Variants in CHRM3 observed in about 807,000 individuals in gnomAD.
CHRM3 encodes muscarinic acetylcholine receptor M3.
A neutral mutation model predicts 41.8 loss-of-function variants in CHRM3; 11 were observed. That is an observed-to-expected ratio of 0.26 (90% CI 0.17 to 0.44). The LOEUF is 0.44. Among genes scored for constraint, CHRM3 ranks in the 20% least tolerant of loss-of-function variants. The pLI is 1.00. For synonymous variants in CHRM3, 297 were observed against 301.4 expected (o/e 0.99, Z 0.15); for missense variants, 571 against 745.4 (o/e 0.77, Z 2.72).
At chr1:239,604,668 C>G (rs968061809) in intron 3 of CHRM3, among the ~76,000 whole-genome samples, 11 of 152,144 alleles carry the variant, frequency 7.2e-5, no homozygotes, top group Non-Finnish European at 1.0e-4. Flanking sequence ...GCAAATAATC[C>G]AAGAGAAATA....
chr1:239,647,617 C>T (rs534507513), intron 4 of CHRM3, among the ~76,000 whole-genome samples: 4 of 152,214 alleles, frequency 2.6e-5, no homozygotes, highest in East Asian at 1.9e-4. Context: ...TCTGTGCCTC[C>T]GCTTAGACAT....
intron 1 of CHRM3, among the ~76,000 whole-genome samples, chr1:239,437,471 A>G (rs1022957993): frequency 3.9e-5 from 6 of 152,168 alleles, no homozygotes; most frequent in Non-Finnish European, 2.9e-5. Flanking sequence ...CTGGGACACA[A>G]TCTGCTCCCC....
chr1:239,766,631 CATAA>C (rs1310120563), intron 5 of CHRM3, among the ~76,000 whole-genome samples: 44 of 151,092 alleles, frequency 2.9e-4, no homozygotes, highest in African/African-American at 1.1e-3. Flanking sequence ...TATAGATAGA[CATAA>C]ATATAGATAG....
At chr1:239,636,364 A>G (rs951901239) in intron 4 of CHRM3, among the ~76,000 whole-genome samples, 1 of 152,236 alleles carries the variant, frequency 6.6e-6, no homozygotes, top group African/African-American at 2.4e-5. Flanking sequence ...TCACTGTGCC[A>G]GGCATTTCCC....
intron 5 of CHRM3, among the ~76,000 whole-genome samples, chr1:239,792,006 GAGA>G (rs1314648869): frequency 6.6e-6 from 1 of 152,212 alleles, no homozygotes; most frequent in Non-Finnish European, 1.5e-5. Flanking sequence ...AGAGTTCATT[GAGA>G]AGGAGACGCA....
intron 5 of CHRM3, among the ~76,000 whole-genome samples, chr1:239,721,108 A>C (rs927941943): frequency 2.0e-5 from 3 of 151,922 alleles, no homozygotes; most frequent in Non-Finnish European, 4.4e-5. Flanking sequence ...GAAATGTGTC[A>C]AAAAGCCCAA....
At chr1:239,892,768 T>A (rs895486514) in intron 6 of CHRM3, among the ~76,000 whole-genome samples, 1 of 152,186 alleles carries the variant, frequency 6.6e-6, no homozygotes, top group African/African-American at 2.4e-5. Flanking sequence ...AAACACAGTG[T>A]CTCATGCACC....
chr1:239,455,028 A>G (rs1370037101), intron 1 of CHRM3, among the ~76,000 whole-genome samples: 3 of 152,124 alleles, frequency 2.0e-5, no homozygotes, highest in East Asian at 1.9e-4. Flanking sequence ...ACTATACTAT[A>G]TGTTTTTAAT....
intron 1 of CHRM3, among the ~76,000 whole-genome samples, chr1:239,398,695 A>T (rs1391942986): frequency 6.6e-6 from 1 of 152,210 alleles, no homozygotes; most frequent in Non-Finnish European, 1.5e-5. Context: ...CAATTATCTG[A>T]TAATAAAATT....
At chr1:239,602,127 T>TATATATATATATATATAC (rs1553337693) in intron 3 of CHRM3, among the ~76,000 whole-genome samples, 2 of 132,654 alleles carry the variant, frequency 1.5e-5, no homozygotes, top group East Asian at 4.3e-4. Flanking sequence ...TATATATATA[T>TATATATATATATATATAC]ATATATATAT....
chr1:239,558,096 T>C (rs1572705613), intron 3 of CHRM3, among the ~76,000 whole-genome samples: 1 of 152,194 alleles, frequency 6.6e-6, no homozygotes, highest in South Asian at 2.1e-4. Context: ...TTTACACTCC[T>C]ACCAACAGTG....
At chr1:239,706,064 T>C (rs1296031330) in intron 5 of CHRM3, among the ~76,000 whole-genome samples, 2 of 149,460 alleles carry the variant, frequency 1.3e-5, no homozygotes, top group African/African-American at 4.9e-5. Context: ...TTATAAATTA[T>C]TAAATTTATT....
At chr1:239,638,935 T>G (rs532997349) in intron 4 of CHRM3, among the ~76,000 whole-genome samples, 33 of 152,306 alleles carry the variant, frequency 2.2e-4, no homozygotes, top group African/African-American at 7.7e-4. Context: ...TGAATTAATT[T>G]TCATATAAGG....
intron 3 of CHRM3, among the ~76,000 whole-genome samples, chr1:239,619,053 T>C (rs1668061404): frequency 6.6e-6 from 1 of 151,440 alleles, no homozygotes; most frequent in Admixed American, 6.6e-5. Context: ...TAGCTAGAAT[T>C]ACAGGCGCCT....
intron 4 of CHRM3, among the ~76,000 whole-genome samples, chr1:239,638,382 G>C (rs1558406111): frequency 2.0e-5 from 3 of 152,078 alleles, no homozygotes; most frequent in South Asian, 2.1e-4. Context: ...CCCACCAGCA[G>C]TGTAAAATTG....
Position 239,506,997 on chromosome 1 carries a change from C to A in CHRM3, c.-422+14190C>A, listed in dbSNP as rs139538216. Among the ~76,000 whole-genome samples, 147 of 152,286 alleles carry A rather than the reference C, an allele frequency of 9.7e-4. 1 individual carries two copies. In the East Asian group the frequency reaches 0.027, roughly 28 times the overall value. Reference sequence around the variant, plus strand: ...CTCCCATTTGGAATGGTTGTATTTACCCAATGCCTGTGTCCCCATTGTTTC... The same window carrying A: ...CTCCCATTTGGAATGGTTGTATTTAACCAATGCCTGTGTCCCCATTGTTTC... On this transcript the variant is annotated intron_variant, in intron 2 of 6. Coordinates refer to ENST00000676153, the MANE Select transcript of CHRM3 (RefSeq NM_001375978.1).
In CHRM3 at chr1:239,669,563, A is replaced by C. The variant is rs149242428; in HGVS notation, c.-249-8623A>C. On this transcript the variant is annotated intron_variant, in intron 4 of 6. Coordinates refer to ENST00000676153, the MANE Select transcript of CHRM3 (RefSeq NM_001375978.1). ...TCAAATTTTTCAGGTCTTGACCTAC[A>C]CGTGTCACCCAAGTTGATTCTAAGC... 1.5e-3 allele frequency among the ~76,000 whole-genome samples: 234 copies of C among 152,296 alleles called. 1 individual carries two copies. The highest frequency in any genetic ancestry group is 2.4e-3 in the Non-Finnish European group (161 of 68,020).
At chr1:239,710,924 A>T in intron 5 of CHRM3, among the ~76,000 whole-genome samples, 1 of 151,524 alleles carries the variant, frequency 6.6e-6, no homozygotes, top group Admixed American at 6.6e-5. Context: ...CTTCTTTCCC[A>T]GCTTCGTTTG....
At chr1:239,819,201 C>T (rs1671837065) in intron 5 of CHRM3, among the ~76,000 whole-genome samples, 1 of 152,198 alleles carries the variant, frequency 6.6e-6, no homozygotes, top group Non-Finnish European at 1.5e-5. Context: ...AACCTGCTCT[C>T]CTTCCAGTCG....
Sources: gnomAD v4.1 joint callset for allele counts (sites outside exome capture counted in the v4.1 genomes callset) on GRCh38, gnomAD v4.1.1 for gene constraint, MANE v1.5 for transcripts, NCBI Gene and HGNC (gene_info 2026-07-23, HGNC 2026-07-21) for gene names.